The following SGCZ variants were observed in gnomAD, a reference collection of about 807,000 sequenced individuals.
The protein encoded by SGCZ is zeta-sarcoglycan.
In SGCZ, 40 loss-of-function variants were observed where a neutral mutation model predicts 41.3. The observed-to-expected ratio is 0.97, with a 90% confidence interval of 0.75 to 1.26. SGCZ has a LOEUF of 1.26. Ranked by LOEUF, SGCZ falls within the 50% of genes most tolerant of loss-of-function variation. SGCZ has a pLI of 0.00. For missense variants in SGCZ, 552 were observed against 369.8 expected (o/e 1.49, Z -4.04); for synonymous variants, 206 against 137.5 (o/e 1.50, Z -3.49).
At chr8:14,588,307 T>C (rs1015361377) in intron 1 of SGCZ, among the ~76,000 whole-genome samples, 3 of 152,014 alleles carry the variant, frequency 2.0e-5, no homozygotes, top group African/African-American at 4.8e-5. Flanking sequence ...CTTGATTTAA[T>C]GTTGCCAAGA....
At position 14,173,225 on chromosome 8, in the gene SGCZ, C is replaced by G. The variant is rs528969591; in HGVS notation, c.425-8523G>C. Among the ~76,000 whole-genome samples the G allele has an allele frequency of 7.9e-5, 12 of 151,038 alleles. No individual in the cohort carries two copies. The East Asian group carries it at 2.3e-3, about 29-fold the overall frequency. On this transcript the variant is annotated intron_variant, in intron 4 of 7. Transcript: ENST00000382080. ...TTCTTTCCTAAAATTACTAGATGTG[C>G]AAAAATGTGGGAAAATTGACACTAA...
chr8:14,896,648 C>T (rs985649930), intron 1 of SGCZ, among the ~76,000 whole-genome samples: 8 of 151,186 alleles, frequency 5.3e-5, no homozygotes, highest in South Asian at 2.1e-4. Context: ...GGCTAATTTC[C>T]GTATTTTCAG....
chr8:14,541,306 C>T (rs1267049486), intron 2 of SGCZ, among the ~76,000 whole-genome samples: 1 of 151,870 alleles, frequency 6.6e-6, no homozygotes, highest in Admixed American at 6.6e-5. Context: ...CCCCTTTACC[C>T]CCACGCCCGG....
At chr8:15,226,788 G>T (rs1030450171) in intron 1 of SGCZ, among the ~76,000 whole-genome samples, 4 of 152,124 alleles carry the variant, frequency 2.6e-5, no homozygotes, top group Non-Finnish European at 5.9e-5. Context: ...GGATAAAACA[G>T]ATTAGAAAAG....
intron 1 of SGCZ, among the ~76,000 whole-genome samples, chr8:15,004,187 G>A (rs1030477585): frequency 2.0e-5 from 3 of 152,104 alleles, no homozygotes; most frequent in African/African-American, 7.2e-5. Context: ...GTTAAGGACG[G>A]CAAGAGGAGA....
chr8:14,355,043 C>T (rs1478163560), intron 2 of SGCZ, among the ~76,000 whole-genome samples: 1 of 151,850 alleles, frequency 6.6e-6, no homozygotes. Context: ...GCTAGCAATT[C>T]AATTCTTACA....
At chr8:14,827,870 A>T (rs1473865031) in intron 1 of SGCZ, among the ~76,000 whole-genome samples, 3 of 152,178 alleles carry the variant, frequency 2.0e-5, no homozygotes, top group Non-Finnish European at 4.4e-5. Context: ...ACAGACACAC[A>T]TATCACCCGG....
intron 1 of SGCZ, among the ~76,000 whole-genome samples, chr8:15,057,085 G>A (rs1404348978): frequency 6.6e-6 from 1 of 152,158 alleles, no homozygotes; most frequent in African/African-American, 2.4e-5. Flanking sequence ...ACATGCTCTG[G>A]CATCGCTGTT....
intron 3 of SGCZ, among the ~76,000 whole-genome samples, chr8:14,251,204 G>A (rs1799272421): frequency 1.3e-5 from 2 of 152,028 alleles, no homozygotes; most frequent in Non-Finnish European, 2.9e-5. Flanking sequence ...CTCCAGTCTG[G>A]GCAACAGAGC....
At chr8:14,127,860 T>C (rs1802913806) in intron 5 of SGCZ, among the ~76,000 whole-genome samples, 1 of 152,162 alleles carries the variant, frequency 6.6e-6, no homozygotes, top group African/African-American at 2.4e-5. Flanking sequence ...AATTCTTTCA[T>C]CACCCAGGTA....
chr8:14,913,536 A>C (rs538743737), intron 1 of SGCZ, among the ~76,000 whole-genome samples: 57 of 152,198 alleles, frequency 3.7e-4, no homozygotes, highest in African/African-American at 1.3e-3. Flanking sequence ...TAAAAAGTTT[A>C]TTGTTTCCTA....
chr8:14,410,308 A>G (rs1049338992), intron 2 of SGCZ, among the ~76,000 whole-genome samples: 2 of 151,958 alleles, frequency 1.3e-5, no homozygotes, highest in African/African-American at 4.8e-5. Context: ...ATTATAAGAC[A>G]CTGGTCTTAA....
At chr8:14,403,158 G>A (rs1350578477) in intron 2 of SGCZ, among the ~76,000 whole-genome samples, 1 of 150,294 alleles carries the variant, frequency 6.7e-6, no homozygotes, top group Non-Finnish European at 1.5e-5. Flanking sequence ...AGACTTTGCT[G>A]AAGTTGCTTA....
chr8:14,211,403 T>G (rs912579018), intron 4 of SGCZ, among the ~76,000 whole-genome samples: 1 of 152,188 alleles, frequency 6.6e-6, no homozygotes, highest in Non-Finnish European at 1.5e-5. Flanking sequence ...CCACTTATGA[T>G]GTCCCAGCAA....
intron 2 of SGCZ, among the ~76,000 whole-genome samples, chr8:14,520,753 T>C (rs17119614): frequency 0.035 from 5,332 of 152,206 alleles, 307 homozygotes; most frequent in African/African-American, 0.12. Context: ...AAATCTGACA[T>C]TCAAAAGGAA....
chr8:14,666,985 G>C (rs1807931369), intron 1 of SGCZ, among the ~76,000 whole-genome samples: 2 of 151,850 alleles, frequency 1.3e-5, no homozygotes, highest in African/African-American at 2.4e-5. Flanking sequence ...ATAGTACTAA[G>C]AATCGCTAAT....
chr8:15,051,192 C>G (rs1404314642), intron 1 of SGCZ, among the ~76,000 whole-genome samples: 1 of 152,088 alleles, frequency 6.6e-6, no homozygotes, highest in Non-Finnish European at 1.5e-5. Flanking sequence ...AATGATTCAC[C>G]ATCTAAGTCG....
chr8:14,866,780 G>A (rs551949165), intron 1 of SGCZ, among the ~76,000 whole-genome samples: 9 of 152,006 alleles, frequency 5.9e-5, no homozygotes, highest in Admixed American at 3.9e-4. Flanking sequence ...GAAAACACAC[G>A]GAGACCCTGT....
At chr8:15,122,520 C>T (rs528850413) in intron 1 of SGCZ, among the ~76,000 whole-genome samples, 3 of 152,176 alleles carry the variant, frequency 2.0e-5, no homozygotes, top group East Asian at 3.9e-4. Flanking sequence ...AGGATAAGCA[C>T]AAATGATTGA....
Sources: allele counts gnomAD v4.1 joint callset (sites outside exome capture counted in the v4.1 genomes callset), GRCh38; gene constraint gnomAD v4.1.1; transcripts MANE v1.5; gene names NCBI Gene and HGNC (gene_info 2026-07-23, HGNC 2026-07-21).